Variants in HACE1 observed in about 807,000 individuals in gnomAD.
HACE1 encodes HECT domain and ankyrin repeat containing E3 ubiquitin protein ligase 1.
A neutral mutation model predicts 118.4 loss-of-function variants in HACE1; 73 were observed. That is an observed-to-expected ratio of 0.62 (90% CI 0.51 to 0.75). The LOEUF is 0.75. Among genes scored for constraint, HACE1 ranks in the 30% least tolerant of loss-of-function variants. The probability of loss-of-function intolerance (pLI) is 0.00; values close to 1 mark genes in which losing one functional copy is unlikely to be tolerated. For synonymous variants in HACE1, 368 were observed against 374.8 expected (o/e 0.98, Z 0.21); for missense variants, 749 against 1,102.2 (o/e 0.68, Z 4.54).
chr6:104,734,007 C>G (rs1214921800), intron 22 of HACE1, among the ~76,000 whole-genome samples: 1 of 151,658 alleles, frequency 6.6e-6, no homozygotes, highest in African/African-American at 2.4e-5. Context: ...ACAAAATTAG[C>G]TGGGCATGGT....
chr6:104,827,810 T>C (rs1381558821), intron 6 of HACE1, among the ~76,000 whole-genome samples: 1 of 152,138 alleles, frequency 6.6e-6, no homozygotes, highest in Non-Finnish European at 1.5e-5. Flanking sequence ...AACAAGTCTA[T>C]GATTTTAGTA....
At chr6:104,797,125 T>C (rs748636379) in intron 7 of HACE1, 100 bp from the exon 8 acceptor site, 879 of 743,256 alleles carry the variant, frequency 1.2e-3, no homozygotes, top group Non-Finnish European at 1.9e-3. Flanking sequence ...GTATCACTTT[T>C]AAAAATTAAG....
chr6:104,745,481 C>T (rs1380508679), intron 20 of HACE1, among the ~76,000 whole-genome samples: 2 of 146,590 alleles, frequency 1.4e-5, no homozygotes, highest in African/African-American at 5.2e-5. Flanking sequence ...GAGTCTGGCT[C>T]TGTCACCCAG....
intron 6 of HACE1, among the ~76,000 whole-genome samples, chr6:104,814,753 T>C (rs769077282): frequency 7.3e-6 from 1 of 136,964 alleles, no homozygotes; most frequent in Non-Finnish European, 1.6e-5. Flanking sequence ...GCTGCTCTCA[T>C]GAGAGCTCAT....
intron 6 of HACE1, among the ~76,000 whole-genome samples, chr6:104,831,983 GA>G (rs1554259086): frequency 0.015 from 882 of 57,086 alleles, 4 homozygotes; most frequent in East Asian, 0.032. Flanking sequence ...GAGAAGAGAG[GA>G]AGGAAGGAAG....
In HACE1 at chr6:104,797,018, G is replaced by T; in HGVS notation, c.625C>A (p.Gln209Lys). Reference protein sequence around the residue: ...TPLYFACSHGQRDTAQILLLR... With the variant: ...TPLYFACSHGKRDTAQILLLR... ...AGTAGGATCTGTGCTGTATCTCTCT[G>T]ACCATGACTGTGTGGAAATAGAAAC... The change falls in exon 8 of 24, where the codon CAG becomes AAG. Residue 209 changes from glutamine (Q) to lysine (K), a missense_variant. This residue lies in a region of HACE1 where 267 missense variants were observed against 312.2 expected (regional missense o/e 0.86). Transcript: ENST00000262903. The T allele has an allele frequency of 6.4e-7, 1 of 1,565,718 alleles. No individual in the cohort carries two copies. The highest frequency in any genetic ancestry group is 1.1e-5 in the South Asian group (1 of 90,006).
At chr6:104,820,357 A>G (rs978321309) in intron 6 of HACE1, among the ~76,000 whole-genome samples, 3 of 152,192 alleles carry the variant, frequency 2.0e-5, no homozygotes, top group African/African-American at 7.2e-5. Context: ...TAATTAAACT[A>G]AAGAGTTTCT....
intron 1 of HACE1, among the ~76,000 whole-genome samples, chr6:104,857,952 GTC>G (rs1255500458): frequency 1.1e-5 from 1 of 87,850 alleles, no homozygotes; most frequent in Non-Finnish European, 2.3e-5. Flanking sequence ...GTGAGACTCC[GTC>G]TCAAAAAAAA....
intron 7 of HACE1, among the ~76,000 whole-genome samples, chr6:104,800,485 G>C (rs1031179645): frequency 2.6e-5 from 4 of 152,166 alleles, no homozygotes; most frequent in Non-Finnish European, 4.4e-5. Context: ...ACCTCATATA[G>C]GCGGGTGCCC....
intron 17 of HACE1, among the ~76,000 whole-genome samples, chr6:104,774,889 G>A (rs866681783): frequency 6.6e-6 from 1 of 152,030 alleles, no homozygotes; most frequent in Non-Finnish European, 1.5e-5. Flanking sequence ...ATAGATATCG[G>A]GTCTACCCAA....
At chr6:104,745,837 A>G (rs936780554) in intron 20 of HACE1, among the ~76,000 whole-genome samples, 1 of 152,024 alleles carries the variant, frequency 6.6e-6, no homozygotes, top group Non-Finnish European at 1.5e-5. Context: ...TGTACCTTAA[A>G]TAAGATTGAT....
intron 14 of HACE1, among the ~76,000 whole-genome samples, chr6:104,780,946 T>A (rs1781673926): frequency 6.6e-6 from 1 of 152,152 alleles, no homozygotes; most frequent in Non-Finnish European, 1.5e-5. Context: ...GTCCCTCAAC[T>A]GTATTTAGTC....
At chr6:104,853,730 T>C (rs974008313) in intron 1 of HACE1, among the ~76,000 whole-genome samples, 4 of 152,108 alleles carry the variant, frequency 2.6e-5, no homozygotes, top group African/African-American at 9.7e-5. Flanking sequence ...AAAAATAATA[T>C]ATGCTCAATA....
chr6:104,849,568 C>A (rs1168901044), intron 3 of HACE1, among the ~76,000 whole-genome samples: 2 of 149,208 alleles, frequency 1.3e-5, no homozygotes, highest in African/African-American at 4.9e-5. Flanking sequence ...ATTTCAAACT[C>A]CTGAACTCAG....
At chr6:104,801,657 T>C (rs1453917691) in intron 7 of HACE1, among the ~76,000 whole-genome samples, 1 of 152,112 alleles carries the variant, frequency 6.6e-6, no homozygotes, top group Non-Finnish European at 1.5e-5. Context: ...TTTACAGACA[T>C]GCAAATGCCG....
intron 12 of HACE1, among the ~76,000 whole-genome samples, 159 bp from the exon 13 acceptor site, chr6:104,784,644 C>T (rs1342377032): frequency 6.6e-6 from 1 of 151,940 alleles, no homozygotes; most frequent in Non-Finnish European, 1.5e-5. Flanking sequence ...TGAAGTATGC[C>T]TAGCCAATTT....
chr6:104,775,246 T>C (rs1011540501), intron 17 of HACE1, among the ~76,000 whole-genome samples: 1 of 152,044 alleles, frequency 6.6e-6, no homozygotes, highest in Non-Finnish European at 1.5e-5. Context: ...CCAGCTCAAG[T>C]GATCCTCCCA....
chr6:104,834,588 G>A lies in HACE1; in HGVS notation c.403-1415C>T, dbSNP rs192956294. ...TCTCTACTTCTTCCCTAAACCCCAC[G>A]GAAATGAGAGTAAAGAGTATTTCCT... is the stretch of plus-strand genomic sequence containing the variant. On this transcript the variant is annotated intron_variant, in intron 5 of 23. Coordinates refer to ENST00000262903, the MANE Select transcript of HACE1 (RefSeq NM_020771.4). Among the ~76,000 whole-genome samples, 459 of 152,004 alleles carry A rather than the reference G, an allele frequency of 3.0e-3. 2 individuals are homozygous for A. The highest frequency in any genetic ancestry group is 0.019 in the South Asian group (92 of 4,818).
intron 7 of HACE1, among the ~76,000 whole-genome samples, chr6:104,802,362 T>A (rs577837223): frequency 6.6e-6 from 1 of 152,120 alleles, no homozygotes; most frequent in Admixed American, 6.6e-5. Flanking sequence ...CTGGACCAAG[T>A]GGACCTAATA....
Sources: gnomAD v4.1 joint callset for allele counts (sites outside exome capture counted in the v4.1 genomes callset) on GRCh38, gnomAD v4.1.1 for gene constraint, gnomAD v4.1.1 regional missense constraint, MANE v1.5 for transcripts, NCBI Gene and HGNC (gene_info 2026-07-23, HGNC 2026-07-21) for gene names.